The following SRBD1 variants were observed in gnomAD, a reference collection of about 807,000 sequenced individuals.
The protein encoded by SRBD1 is S1 RNA binding domain 1.
Under a neutral mutation model 115.3 loss-of-function variants are expected in SRBD1, and 88 were observed. That is an observed-to-expected ratio of 0.76 (90% CI 0.64 to 0.91). The LOEUF (loss-of-function observed/expected upper bound fraction) is 0.91. Among genes scored for constraint, SRBD1 ranks in the 40% least tolerant of loss-of-function variants. The pLI is 0.00. For synonymous variants in SRBD1, 509 were observed against 407.7 expected (o/e 1.25, Z -2.99); for missense variants, 1,385 against 1,177.4 (o/e 1.18, Z -2.58).
chr2:45,482,205 A>G (rs915762078), intron 15 of SRBD1, among the ~76,000 whole-genome samples: 1 of 152,144 alleles, frequency 6.6e-6, no homozygotes, highest in Non-Finnish European at 1.5e-5. Flanking sequence ...ATGAATGACA[A>G]CAGTTTGCTG....
intron 14 of SRBD1, among the ~76,000 whole-genome samples, chr2:45,530,130 T>C (rs370677555): frequency 1.3e-5 from 2 of 151,928 alleles, no homozygotes; most frequent in African/African-American, 4.8e-5. Context: ...AAAAGAAAAA[T>C]GCTTCAAAAG....
At chr2:45,556,323 G>T (rs747435770) in intron 10 of SRBD1, among the ~76,000 whole-genome samples, 4 of 151,844 alleles carry the variant, frequency 2.6e-5, no homozygotes, top group African/African-American at 9.7e-5. Context: ...CAAATGTATG[G>T]CACAATAAAT....
intron 15 of SRBD1, among the ~76,000 whole-genome samples, chr2:45,485,388 T>C (rs1431104645): frequency 6.6e-6 from 1 of 152,232 alleles, no homozygotes; most frequent in East Asian, 1.9e-4. Context: ...TCCTTTCCCA[T>C]TCCTTTTATC....
chr2:45,575,923 C>A (rs1673161146), intron 7 of SRBD1, among the ~76,000 whole-genome samples: 1 of 152,116 alleles, frequency 6.6e-6, no homozygotes, highest in Non-Finnish European at 1.5e-5. Context: ...AGCCTGGTCT[C>A]GAACTCGTGA....
chr2:45,483,376 C>A (rs1384285591), intron 15 of SRBD1, among the ~76,000 whole-genome samples: 1 of 152,050 alleles, frequency 6.6e-6, no homozygotes, highest in Non-Finnish European at 1.5e-5. Context: ...AGATTACCAT[C>A]CTAAAAGATA....
At chr2:45,585,005 T>C (rs1354946963) in intron 5 of SRBD1, among the ~76,000 whole-genome samples, 1 of 151,894 alleles carries the variant, frequency 6.6e-6, no homozygotes, top group Admixed American at 6.6e-5. Flanking sequence ...ACAAAATTAG[T>C]GGGGCGTGGT....
Position 45,419,903 on chromosome 2 carries a change from A to G in SRBD1, c.2050-9T>C. On this transcript the variant is annotated splice_polypyrimidine_tract_variant and intron_variant, in intron 16 of 20. Transcript: ENST00000263736. ...GTCTGGGATACGTCATGCTGAAAAG[A>G]CAAAGATCAAATATTAACAGTGAAG... 6.2e-7 allele frequency: 1 copy of G among 1,609,328 alleles called. No homozygotes were observed. Among genetic ancestry groups the G allele is most frequent in the Non-Finnish European group, 8.5e-7 (1 of 1,176,972 alleles).
At chr2:45,589,450 C>A (rs185382938) in intron 4 of SRBD1, among the ~76,000 whole-genome samples, 197 of 152,264 alleles carry the variant, frequency 1.3e-3, no homozygotes, top group African/African-American at 4.6e-3. Flanking sequence ...GAAAGATAGG[C>A]AAGATTCTGA....
chr2:45,596,066 TCTAAG>T lies in SRBD1; in HGVS notation c.648+3378_648+3382del, dbSNP rs1400747909. On this transcript the variant is annotated intron_variant, in intron 4 of 20. Coordinates refer to ENST00000263736, the MANE Select transcript of SRBD1 (RefSeq NM_018079.5). ...CATGCCTATAATTTTCAAAATATTT[TCTAAG>T]AGGGCAAAAGGCCATAAAATAGTTC... Among the ~76,000 whole-genome samples, 9 of 152,296 alleles carry T rather than the reference TCTAAG, an allele frequency of 5.9e-5. No homozygotes were observed. The East Asian group carries it at 1.7e-3, about 29-fold the overall frequency.
intron 10 of SRBD1, among the ~76,000 whole-genome samples, chr2:45,559,878 T>C (rs1241386986): frequency 6.6e-6 from 1 of 152,060 alleles, no homozygotes. Context: ...TTCAGGAGTT[T>C]GAGAACAGCC....
At chr2:45,402,084 C>T (rs1667306793) in intron 19 of SRBD1, among the ~76,000 whole-genome samples, 1 of 152,108 alleles carries the variant, frequency 6.6e-6, no homozygotes, top group South Asian at 2.1e-4. Flanking sequence ...TCTGGCTTGA[C>T]TTATTTTAGC....
intron 14 of SRBD1, among the ~76,000 whole-genome samples, chr2:45,508,061 T>A (rs1670850571): frequency 6.6e-6 from 1 of 152,202 alleles, no homozygotes; most frequent in African/African-American, 2.4e-5. Flanking sequence ...GATATTTACA[T>A]AATTTTTAAA....
chr2:45,498,527 T>C (rs1043879608), intron 14 of SRBD1, among the ~76,000 whole-genome samples: 3 of 152,218 alleles, frequency 2.0e-5, no homozygotes, highest in African/African-American at 7.2e-5. Flanking sequence ...ACCTCAAACA[T>C]CTATTTTTCT....
chr2:45,458,335 G>A (rs936711332), intron 16 of SRBD1, among the ~76,000 whole-genome samples: 3 of 152,064 alleles, frequency 2.0e-5, no homozygotes, highest in Non-Finnish European at 4.4e-5. Flanking sequence ...CACCCTTTCT[G>A]GCTTGTTTTC....
At position 45,419,893 on chromosome 2, in the gene SRBD1, T is replaced by C. The variant is rs1009130044; in HGVS notation, c.2051A>G (p.His684Arg). The C allele has an allele frequency of 3.7e-6, 6 of 1,612,386 alleles. No homozygotes were observed. Among genetic ancestry groups the C allele is most frequent in the Admixed American group, 1.7e-5 (1 of 60,020 alleles). The change falls in exon 17 of 21, where the codon CAT becomes CGT. Residue 684 changes from histidine to arginine, a missense_variant and splice_region_variant. His to Arg is a conservative substitution (Grantham distance 29, BLOSUM62 0). Coordinates refer to ENST00000263736, the MANE Select transcript of SRBD1 (RefSeq NM_018079.5). Reference protein sequence around the residue: ...PKHIGVGMYQHDVSQTLLKAT... With the variant: ...PKHIGVGMYQRDVSQTLLKAT... The stretch of plus-strand genomic sequence containing the variant: ...CTTGAGTAAAGTCTGGGATACGTCA[T>C]GCTGAAAAGACAAAGATCAAATATT...
Position 45,476,979 on chromosome 2 carries a change from C to T in SRBD1, c.2049+14G>A. 6.2e-7 allele frequency: 1 copy of T among 1,611,154 alleles called. No homozygotes were observed. Among genetic ancestry groups the T allele is most frequent in the African/African-American group, 1.3e-5 (1 of 74,978 alleles). On this transcript the variant is annotated intron_variant, in intron 16 of 20. Coordinates refer to ENST00000263736, the MANE Select transcript of SRBD1 (RefSeq NM_018079.5). ...TGATGGATTTCATAAATTAAATGATCCACATAGCTTTACCTGATACATTCC... is the reference window on the plus strand; with the variant it reads ...TGATGGATTTCATAAATTAAATGATTCACATAGCTTTACCTGATACATTCC...
intron 9 of SRBD1, among the ~76,000 whole-genome samples, chr2:45,570,321 G>C (rs956996689): frequency 6.6e-6 from 1 of 152,134 alleles, no homozygotes; most frequent in Non-Finnish European, 1.5e-5. Context: ...AGGGAGAGTG[G>C]GGTCAATTTC....
chr2:45,443,681 G>A (rs934608970), intron 16 of SRBD1, among the ~76,000 whole-genome samples: 28 of 151,874 alleles, frequency 1.8e-4, no homozygotes, highest in Non-Finnish European at 3.2e-4. Context: ...GTGTGGTAGG[G>A]AGAAGAACCA....
intron 14 of SRBD1, among the ~76,000 whole-genome samples, chr2:45,509,598 AACACACACACACACAC>A (rs1179307941): frequency 3.3e-4 from 41 of 125,524 alleles, no homozygotes; most frequent in African/African-American, 9.6e-4. Flanking sequence ...TCCGTCTCAA[AACACACACACACACAC>A]ACACACACAC....
Sources: allele counts gnomAD v4.1 joint callset (sites outside exome capture counted in the v4.1 genomes callset), GRCh38; gene constraint gnomAD v4.1.1; transcripts MANE v1.5; gene names NCBI Gene and HGNC (gene_info 2026-07-23, HGNC 2026-07-21).